The following ALK variants were observed in gnomAD, a reference collection of about 807,000 sequenced individuals.
ALK encodes the protein ALK receptor tyrosine kinase.
ALK carries 74 observed loss-of-function variants against 163.1 expected under a neutral mutation model. That is an observed-to-expected ratio of 0.45 (90% CI 0.38 to 0.55). ALK has a LOEUF of 0.55. Ranked by LOEUF, ALK falls within the 20% of genes least tolerant of loss-of-function variation. The pLI is 0.00. For missense variants in ALK, 2,063 were observed against 2,105.3 expected (o/e 0.98, Z 0.39); for synonymous variants, 960 against 843.2 (o/e 1.14, Z -2.40).
intron 3 of ALK, among the ~76,000 whole-genome samples, chr2:29,571,391 T>G (rs1674364708): frequency 6.6e-6 from 1 of 152,088 alleles, no homozygotes; most frequent in Admixed American, 6.5e-5. Flanking sequence ...ATGGGGGAAG[T>G]TTCCCCTGTG....
At chr2:29,853,828 A>C (rs1414377170) in intron 1 of ALK, among the ~76,000 whole-genome samples, 1 of 151,378 alleles carries the variant, frequency 6.6e-6, no homozygotes. Context: ...TTCATTCTTC[A>C]TTCAGATTTG....
chr2:29,650,132 T>G (rs1034352363), intron 3 of ALK, among the ~76,000 whole-genome samples: 2 of 152,284 alleles, frequency 1.3e-5, no homozygotes, highest in African/African-American at 4.8e-5. Context: ...TATTTTACAC[T>G]GAAGCAAGCC....
chr2:29,301,594 A>T (rs1207309472), intron 8 of ALK, among the ~76,000 whole-genome samples: 1 of 152,232 alleles, frequency 6.6e-6, no homozygotes, highest in Admixed American at 6.5e-5. Flanking sequence ...GGACCAGGGA[A>T]GGGGAGAAGT....
chr2:29,783,811 C>T (rs940279125), intron 1 of ALK, among the ~76,000 whole-genome samples: 1 of 152,294 alleles, frequency 6.6e-6, no homozygotes, highest in Non-Finnish European at 1.5e-5. Flanking sequence ...AGAGGACCCT[C>T]CCTCCCACGG....
At chr2:29,342,877 C>CTTTTTTT (rs57838065) in intron 5 of ALK, among the ~76,000 whole-genome samples, 457 of 90,324 alleles carry the variant, frequency 5.1e-3, no homozygotes, top group East Asian at 9.0e-3. Flanking sequence ...GCTCAGTGAT[C>CTTTTTTT]TTTTTTTTTT....
intron 1 of ALK, among the ~76,000 whole-genome samples, chr2:29,853,956 C>G (rs1666074612): frequency 6.6e-6 from 1 of 151,188 alleles, no homozygotes. Flanking sequence ...GTCACCCAGG[C>G]TGGAGTGCAG....
rs373037272 is a variant in ALK, at chr2:29,193,292, G to A, written c.4795C>T (p.Pro1599Ser). The A allele has an allele frequency of 2.2e-4, 352 of 1,614,038 alleles. No individual in the cohort carries two copies. The highest frequency in any genetic ancestry group is 2.8e-4 in the Non-Finnish European group (336 of 1,180,036). The change falls in exon 29 of 29, where the codon CCT (proline) becomes TCT (serine). Residue 1599 changes from proline (P) to serine (S), a missense_variant. Around this residue, in one of 5 missense-constraint regions of ALK, gnomAD observed 403 missense variants for 366.2 expected, o/e 1.10. Transcript: ENST00000389048. ...GTATCCTCGTAATGACCAGCTCCAGGGGCAGTAGCGGCTTCTAAGGGCAAG... is the reference window on the plus strand; with the variant it reads ...GTATCCTCGTAATGACCAGCTCCAGAGGCAGTAGCGGCTTCTAAGGGCAAG... ...QGLPLEAATAPGAGHYEDTIL... is the reference protein window; with the variant it reads ...QGLPLEAATASGAGHYEDTIL...
At chr2:29,475,866 A>AAG (rs1303870595) in intron 4 of ALK, among the ~76,000 whole-genome samples, 1 of 46,516 alleles carries the variant, frequency 2.1e-5, no homozygotes, top group African/African-American at 5.5e-5. Context: ...CATCACAATA[A>AAG]ACAGAGAGAG....
At chr2:29,394,106 C>T (rs1452921491) in intron 4 of ALK, among the ~76,000 whole-genome samples, 1 of 152,196 alleles carries the variant, frequency 6.6e-6, no homozygotes, top group African/African-American at 2.4e-5. Context: ...TTTGGCCCTA[C>T]ATCAAGCACT....
At chr2:29,241,760 C>T (rs1199398531) in intron 12 of ALK, among the ~76,000 whole-genome samples, 1 of 152,086 alleles carries the variant, frequency 6.6e-6, no homozygotes, top group African/African-American at 2.4e-5. Context: ...ACAATGCATG[C>T]TCACAGGCAC....
intron 11 of ALK, among the ~76,000 whole-genome samples, chr2:29,260,917 C>T (rs1665071313): frequency 6.6e-6 from 1 of 151,998 alleles, no homozygotes; most frequent in African/African-American, 2.4e-5. Flanking sequence ...CTTTCCTTCA[C>T]TTTTATCTGG....
intron 3 of ALK, among the ~76,000 whole-genome samples, chr2:29,576,087 G>T (rs116359136): frequency 1.4e-3 from 209 of 152,300 alleles, no homozygotes; most frequent in African/African-American, 5.0e-3. Context: ...GTGGGTGCAC[G>T]GGGTGCAGTC....
intron 11 of ALK, among the ~76,000 whole-genome samples, chr2:29,259,314 C>G (rs967552884): frequency 6.6e-6 from 1 of 152,110 alleles, no homozygotes; most frequent in African/African-American, 2.4e-5. Flanking sequence ...GTGTACTGTA[C>G]TACACATAGC....
intron 13 of ALK, among the ~76,000 whole-genome samples, chr2:29,234,807 C>G (rs1463580276): frequency 6.6e-6 from 1 of 152,228 alleles, no homozygotes; most frequent in African/African-American, 2.4e-5. Context: ...TGCAATGGCA[C>G]GACCTTGGCC....
intron 4 of ALK, among the ~76,000 whole-genome samples, chr2:29,480,132 G>A (rs542193942): frequency 6.6e-6 from 1 of 152,282 alleles, no homozygotes; most frequent in South Asian, 2.1e-4. Context: ...GAGATATACA[G>A]TGTGATAAAA....
At chr2:29,245,724 A>G (rs371588055) in intron 12 of ALK, among the ~76,000 whole-genome samples, 1 of 132,488 alleles carries the variant, frequency 7.5e-6, no homozygotes, top group East Asian at 2.4e-4. Flanking sequence ...GCAGGGCTCC[A>G]TGGCTCAGTG....
At chr2:29,440,318 A>ATTTCTT (rs780283356) in intron 4 of ALK, among the ~76,000 whole-genome samples, 5,331 of 83,008 alleles carry the variant, frequency 0.064, 306 homozygotes, top group African/African-American at 0.12. Flanking sequence ...TGATGAATCA[A>ATTTCTT]TTTTTTTTTT....
At position 29,920,842 on chromosome 2, in the gene ALK, T is replaced by G; in HGVS notation, c.-183A>C. 1.6e-6 allele frequency: 1 copy of G among 616,824 alleles called. No individual in the cohort carries two copies. Among genetic ancestry groups the G allele is most frequent in the Non-Finnish European group, 2.8e-6 (1 of 353,334 alleles). The allele number at this position is 616,824 out of a possible 1,614,324, so 38.2% of individuals were successfully genotyped here. ...CCAACTGCACGGAGGCGAGCAGGAGTCTAAATGAAACAGACCTGGAAGCTC... is the reference window on the plus strand; with the variant it reads ...CCAACTGCACGGAGGCGAGCAGGAGGCTAAATGAAACAGACCTGGAAGCTC... On this transcript the variant is annotated 5_prime_UTR_variant, in exon 1 of 29. Transcript: ENST00000389048.
intron 1 of ALK, among the ~76,000 whole-genome samples, chr2:29,791,692 CT>C (rs1664193718): frequency 6.6e-6 from 1 of 152,144 alleles, no homozygotes. Flanking sequence ...CTGAAGGCCT[CT>C]GGTAGACCAG....
Sources: gnomAD v4.1 joint callset for allele counts (sites outside exome capture counted in the v4.1 genomes callset) on GRCh38, gnomAD v4.1.1 for gene constraint, gnomAD v4.1.1 regional missense constraint, MANE v1.5 for transcripts, NCBI Gene and HGNC (gene_info 2026-07-23, HGNC 2026-07-21) for gene names.